ATP13A1: variants seen among roughly 807,000 people sequenced by gnomAD.
The protein encoded by ATP13A1 is endoplasmic reticulum transmembrane helix translocase.
Under a neutral mutation model 134.8 loss-of-function variants are expected in ATP13A1, and 55 were observed. That is an observed-to-expected ratio of 0.41 (90% confidence interval 0.33 to 0.51). The LOEUF (loss-of-function observed/expected upper bound fraction) is 0.51, where lower values mean the gene tolerates loss of function less well. Ranked by LOEUF, ATP13A1 falls within the 20% of genes least tolerant of loss-of-function variation. The pLI, the probability that ATP13A1 is intolerant of heterozygous loss-of-function variation, is 0.29. For synonymous variants in ATP13A1, 775 were observed against 725.1 expected (o/e 1.07, Z -1.10); for missense variants, 1,389 against 1,652.8 (o/e 0.84, Z 2.77).
chr19:19,649,655 G>T lies in ATP13A1; in HGVS notation c.2544C>A (p.Val848=). Residue 848 remains valine (V), a synonymous_variant, in exon 19 of 26, where the codon GTC becomes GTA. Coordinates refer to ENST00000357324, the MANE Select transcript of ATP13A1 (RefSeq NM_020410.3). ...ARVAPKQKEF[V]ITSLKELGYV... ...AGCCCAGCTCCTTCAGGCTGGTGATGACAAACTCCTGTATGGGCGGAGACA... is the reference window on the plus strand; with the variant it reads ...AGCCCAGCTCCTTCAGGCTGGTGATTACAAACTCCTGTATGGGCGGAGACA... 6.2e-7 allele frequency: 1 copy of T among 1,613,936 alleles called. No individual in the cohort carries two copies. The highest frequency in any genetic ancestry group is 8.5e-7 in the Non-Finnish European group (1 of 1,179,866).
intron 1 of ATP13A1, among the ~76,000 whole-genome samples, chr19:19,660,190 G>A (rs2062085555): frequency 6.6e-6 from 1 of 152,192 alleles, no homozygotes; most frequent in Non-Finnish European, 1.5e-5. Context: ...ACTTAAAGCT[G>A]GGAGCACAAG....
In ATP13A1 at chr19:19,651,489, C is replaced by T. The variant is rs764330460; in HGVS notation, c.2335+200G>A. 1.6e-3 allele frequency: 762 copies of T among 477,980 alleles called. 2 individuals carry two copies. Among genetic ancestry groups the T allele is most frequent in the Admixed American group, 3.8e-3 (98 of 25,776 alleles). 29.6% of individuals were successfully genotyped at this position (477,980 alleles called of 1,614,324 possible). The stretch of plus-strand genomic sequence containing the variant: ...TTATGGTAAATAAACACCTACATGC[C>T]GCACATCCTGGGACCTGCGACCCAG... On this transcript the variant is annotated intron_variant, in intron 17 of 25. Coordinates refer to ENST00000357324, the MANE Select transcript of ATP13A1 (RefSeq NM_020410.3).
intron 1 of ATP13A1, chr19:19,660,584 T>C (rs1209261910): frequency 2.0e-5 from 3 of 152,008 alleles, no homozygotes; most frequent in Non-Finnish European, 4.4e-5. Context: ...GTCAGGAGAT[T>C]GAGACCATCC....
chr19:19,661,155 A>G (rs2062092335), intron 1 of ATP13A1, among the ~76,000 whole-genome samples: 1 of 152,168 alleles, frequency 6.6e-6, no homozygotes, highest in Admixed American at 6.6e-5. Flanking sequence ...AAAAGCTGGG[A>G]AGCTGGGTGC....
At chr19:19,652,766 C>T in intron 15 of ATP13A1, 46 bp from the exon 16 acceptor site, 1 of 1,564,128 alleles carries the variant, frequency 6.4e-7, no homozygotes, top group Non-Finnish European at 8.6e-7. Context: ...CTCCCTCTGC[C>T]CACACTCTGC....
At chr19:19,658,398 G>A (rs371040590) in intron 3 of ATP13A1, among the ~76,000 whole-genome samples, 4 of 152,148 alleles carry the variant, frequency 2.6e-5, no homozygotes, top group Admixed American at 2.0e-4. Flanking sequence ...GTACCTTTGC[G>A]TTGAGTAAGA....
chr19:19,662,277 G>T, intron 1 of ATP13A1: 1 of 985,336 alleles, frequency 1.0e-6, no homozygotes, highest in Non-Finnish European at 1.2e-6. Context: ...TCCTCCCCTG[G>T]GATAGATAAG....
At position 19,646,770 on chromosome 19, in the gene ATP13A1, G is replaced by C. The variant is rs1208078804; in HGVS notation, c.3105+359C>G. ...CCCCTGGTTCTTTACGCCTTGGCCT[G>C]AGTGTCGGTGTCGCACAGGCCTCCC... On this transcript the variant is annotated intron_variant, in intron 22 of 25. Transcript: ENST00000357324. 2.1e-5 allele frequency: 8 copies of C among 383,512 alleles called. No individual in the cohort carries two copies. In the South Asian group the frequency reaches 2.5e-4, roughly 12 times the overall value. 23.8% of individuals were successfully genotyped at this position (383,512 alleles called of 1,614,324 possible).
intron 1 of ATP13A1, among the ~76,000 whole-genome samples, chr19:19,661,449 G>A (rs1268139329): frequency 6.6e-6 from 1 of 152,200 alleles, no homozygotes; most frequent in Non-Finnish European, 1.5e-5. Context: ...CAGCTCCCTT[G>A]CTGCCTCAGG....
Position 19,656,839 on chromosome 19 carries a change from G to C in ATP13A1, c.976+8C>G, listed in dbSNP as rs761431941. On this transcript the variant is annotated splice_region_variant and intron_variant, in intron 6 of 25. Transcript: ENST00000357324. This position sits in a 1 kb window ranked among gnomAD's most constrained non-coding sequence, Gnocchi z 4.6. Reference sequence around the variant, plus strand: ...CTCCCACTGGGACTGAGCGGAACCCGGCCTCACCGATGGAGACGATGTCCC... The same window carrying C: ...CTCCCACTGGGACTGAGCGGAACCCCGCCTCACCGATGGAGACGATGTCCC... 6.2e-7 allele frequency: 1 copy of C among 1,612,228 alleles called. No homozygotes were observed. Among genetic ancestry groups the C allele is most frequent in the Non-Finnish European group, 8.5e-7 (1 of 1,179,266 alleles).
Position 19,647,589 on chromosome 19 carries a change from T to C in ATP13A1, c.2793+10A>G. 6.2e-7 allele frequency: 1 copy of C among 1,613,428 alleles called. No individual in the cohort carries two copies. The highest frequency in any genetic ancestry group is 8.5e-7 in the Non-Finnish European group (1 of 1,179,710). ...GGATGGGGTGCAGCACCTCCCCTCTTGGGACTCACCCTCTGGGAGGTTGGC... is the reference window on the plus strand; with the variant it reads ...GGATGGGGTGCAGCACCTCCCCTCTCGGGACTCACCCTCTGGGAGGTTGGC... On this transcript the variant is annotated intron_variant, in intron 20 of 25. Transcript: ENST00000357324. The surrounding 1 kb of genome is among the most constrained non-coding windows in gnomAD (Gnocchi z 4.8).
chr19:19,659,788 C>T lies in ATP13A1; in HGVS notation c.490G>A (p.Glu164Lys), dbSNP rs752178517. The change falls in exon 3 of 26, where the codon GAA (glutamate) becomes AAA (lysine). Residue 164 changes from glutamate to lysine, a missense_variant. Coordinates refer to ENST00000357324, the MANE Select transcript of ATP13A1 (RefSeq NM_020410.3). The stretch of plus-strand genomic sequence containing the variant: ...AAGGACAGCACCTCAAGCCCGTCTT[C>T]GCCCTGCGGTAGAAGGTGTGTTTGC... ...ELVALHRNEGEDGLEVLSFEF... is the reference protein window; with the variant it reads ...ELVALHRNEGKDGLEVLSFEF... 7.4e-6 allele frequency: 12 copies of T among 1,613,410 alleles called. No individual in the cohort carries two copies. Among genetic ancestry groups the T allele is most frequent in the East Asian group, 2.2e-5 (1 of 44,892 alleles).
In ATP13A1 at chr19:19,647,049, G is replaced by T. The variant is rs992667420; in HGVS notation, c.3105+80C>A. ...GGGGCCCTGGGTCCTGTAACTTGGG[G>T]ATGACAATTCCCGTGCCTATATCAG... On this transcript the variant is annotated intron_variant, in intron 22 of 25. Coordinates refer to ENST00000357324, the MANE Select transcript of ATP13A1 (RefSeq NM_020410.3). The surrounding 1 kb of genome is among the most constrained non-coding windows in gnomAD (Gnocchi z 4.8). 1.4e-4 allele frequency: 196 copies of T among 1,441,984 alleles called. No homozygotes were observed. Among genetic ancestry groups the T allele is most frequent in the Non-Finnish European group, 1.7e-4 (186 of 1,067,884 alleles). The allele number at this position is 1,441,984 out of a possible 1,614,324, so 89.3% of individuals were successfully genotyped here.
Position 19,653,453 on chromosome 19 carries a change from G to A in ATP13A1, c.2100+331C>T. 1 of 375,136 alleles carries A rather than the reference G, an allele frequency of 2.7e-6. No individual in the cohort carries two copies. The highest frequency in any genetic ancestry group is 4.9e-6 in the Non-Finnish European group (1 of 205,328). The allele number at this position is 375,136 out of a possible 1,614,324, so 23.2% of individuals were successfully genotyped here. ...CAGATGTGCCGGTGGTGGAGGCGGA[G>A]GGTGGGCTTTGTGGAGGATGGATGG... is the stretch of plus-strand genomic sequence containing the variant. On this transcript the variant is annotated intron_variant, in intron 15 of 25. Coordinates refer to ENST00000357324, the MANE Select transcript of ATP13A1 (RefSeq NM_020410.3). The surrounding 1 kb of genome is among the most constrained non-coding windows in gnomAD (Gnocchi z 4.2).
intron 12 of ATP13A1, 73 bp from the exon 13 acceptor site, chr19:19,654,773 G>A (rs2062046663): frequency 9.3e-6 from 14 of 1,508,562 alleles, no homozygotes; most frequent in South Asian, 8.6e-5. Context: ...CCAGCAGAAG[G>A]ACCCCCAAGG....
In ATP13A1 at chr19:19,655,294, C is replaced by T. The variant is rs774637727; in HGVS notation, c.1534+22G>A. ...GCTTGGCCCCAGCCCACTCGGCACC[C>T]CATCCCATTTGACACACTCACAGAG... On this transcript the variant is annotated intron_variant, in intron 11 of 25. Transcript: ENST00000357324. This position sits in a 1 kb window ranked among gnomAD's most constrained non-coding sequence, Gnocchi z 5.7. 1 of 1,613,956 alleles carries T rather than the reference C, an allele frequency of 6.2e-7. No homozygotes were observed. The highest frequency in any genetic ancestry group is 2.2e-5 in the East Asian group (1 of 44,878).
rs371691813 is a variant in ATP13A1, at chr19:19,647,795, G to C, written c.2633-36C>G. On this transcript the variant is annotated intron_variant, in intron 19 of 25. Coordinates refer to ENST00000357324, the MANE Select transcript of ATP13A1 (RefSeq NM_020410.3). The surrounding 1 kb of genome is among the most constrained non-coding windows in gnomAD (Gnocchi z 4.8). ...GGAGGGTGTCAGACCCGGAGGAGCA[G>C]GCTCCACGGAGGGGAAGATTGCTGG... 1 of 1,553,840 alleles carries C rather than the reference G, an allele frequency of 6.4e-7. No homozygotes were observed. Among genetic ancestry groups the C allele is most frequent in the African/African-American group, 1.4e-5 (1 of 74,038 alleles).
Position 19,652,632 on chromosome 19 carries a change from T to C in ATP13A1, c.2189A>G (p.Lys730Arg). The change falls in exon 16 of 26, where the codon AAG becomes AGG. Residue 730 changes from lysine (K) to arginine (R), a missense_variant. Lys to Arg is a conservative substitution (Grantham distance 26). Around this residue, in one of 4 missense-constraint regions of ATP13A1, gnomAD observed 747 missense variants for 956.1 expected, o/e 0.78. Coordinates refer to ENST00000357324, the MANE Select transcript of ATP13A1 (RefSeq NM_020410.3). ...VVSCPLKADSKAVIREIQNAS... is the reference protein window; with the variant it reads ...VVSCPLKADSRAVIREIQNAS... ...ATTCTGGATCTCCCGGATCACGGCCTTGGAGTCAGCCTTGAGCGGGCAGGA... is the reference window on the plus strand; with the variant it reads ...ATTCTGGATCTCCCGGATCACGGCCCTGGAGTCAGCCTTGAGCGGGCAGGA... 1.2e-6 allele frequency: 2 copies of C among 1,608,880 alleles called. No homozygotes were observed. The highest frequency in any genetic ancestry group is 1.7e-6 in the Non-Finnish European group (2 of 1,177,946).
Position 19,656,239 on chromosome 19 carries a change from T to C in ATP13A1, c.1084-56A>G. On this transcript the variant is annotated intron_variant, in intron 7 of 25. Coordinates refer to ENST00000357324, the MANE Select transcript of ATP13A1 (RefSeq NM_020410.3). This position sits in a 1 kb window ranked among gnomAD's most constrained non-coding sequence, Gnocchi z 4.6. ...CAGGCCTACCTTGCTTCCTTCTCCATCTGAGTTCCTGGACAGCTGGACCTT... is the reference window on the plus strand; with the variant it reads ...CAGGCCTACCTTGCTTCCTTCTCCACCTGAGTTCCTGGACAGCTGGACCTT... 6.4e-7 allele frequency: 1 copy of C among 1,551,048 alleles called. No individual in the cohort carries two copies. Among genetic ancestry groups the C allele is most frequent in the Non-Finnish European group, 8.7e-7 (1 of 1,147,998 alleles).
Sources: gnomAD v4.1 joint callset for allele counts (sites outside exome capture counted in the v4.1 genomes callset) on GRCh38, gnomAD v4.1.1 for gene constraint, gnomAD v4.1.1 regional missense constraint, Gnocchi (gnomAD v3.1) non-coding constraint, MANE v1.5 for transcripts, NCBI Gene and HGNC (gene_info 2026-07-23, HGNC 2026-07-21) for gene names.